The following MACROD2 variants were observed in gnomAD, a reference collection of about 807,000 sequenced individuals.
MACROD2 encodes ADP-ribose glycohydrolase MACROD2.
A neutral mutation model predicts 70.4 loss-of-function variants in MACROD2; 36 were observed. That is an observed-to-expected ratio of 0.51 (90% CI 0.39 to 0.68). The LOEUF (loss-of-function observed/expected upper bound fraction) is 0.68. Among genes scored for constraint, MACROD2 ranks in the 30% least tolerant of loss-of-function variants. The pLI is 0.00. For synonymous variants in MACROD2, 172 were observed against 178.8 expected, an observed-to-expected ratio of 0.96 and a Z score of 0.30; for missense variants, 496 against 538.4, an observed-to-expected ratio of 0.92 and a Z score of 0.78.
intron 3 of MACROD2, among the ~76,000 whole-genome samples, chr20:14,345,849 C>T (rs1450691543): frequency 6.6e-6 from 1 of 151,790 alleles, no homozygotes; most frequent in Non-Finnish European, 1.5e-5. Context: ...CACCTGTTAT[C>T]CCAGCACTTT....
chr20:15,095,535 T>C (rs2075824513), intron 5 of MACROD2, among the ~76,000 whole-genome samples: 1 of 152,020 alleles, frequency 6.6e-6, no homozygotes, highest in Non-Finnish European at 1.5e-5. Flanking sequence ...TTTTGTTTTT[T>C]GAGACAGGGT....
chr20:15,377,003 G>A (rs2045571982), intron 6 of MACROD2, among the ~76,000 whole-genome samples: 2 of 152,072 alleles, frequency 1.3e-5, no homozygotes. Flanking sequence ...TCATTCTCCT[G>A]CCTCAGCCTC....
chr20:15,407,924 C>G (rs1018994335), intron 6 of MACROD2, among the ~76,000 whole-genome samples: 4 of 152,142 alleles, frequency 2.6e-5, no homozygotes, highest in Admixed American at 2.6e-4. Context: ...GTGATTTCCT[C>G]AGGGTCACAC....
At chr20:14,522,433 C>G (rs1000567395) in intron 4 of MACROD2, among the ~76,000 whole-genome samples, 12 of 152,152 alleles carry the variant, frequency 7.9e-5, no homozygotes, top group African/African-American at 2.9e-4. Flanking sequence ...GCAGTGTATT[C>G]AGAAGGCAGT....
chr20:15,938,428 AC>A (rs1298328624), intron 12 of MACROD2, among the ~76,000 whole-genome samples: 1 of 152,140 alleles, frequency 6.6e-6, no homozygotes, highest in Non-Finnish European at 1.5e-5. Flanking sequence ...AATATTTCAA[AC>A]CTTTTTACTA....
intron 5 of MACROD2, among the ~76,000 whole-genome samples, chr20:14,926,118 C>G (rs2074227538): frequency 6.6e-6 from 1 of 152,154 alleles, no homozygotes; most frequent in South Asian, 2.1e-4. Context: ...TTTTCTTTTT[C>G]CCAGGCTGTC....
intron 8 of MACROD2, among the ~76,000 whole-genome samples, chr20:15,618,747 G>T (rs1373934022): frequency 2.0e-5 from 3 of 152,170 alleles, no homozygotes; most frequent in Non-Finnish European, 4.4e-5. Flanking sequence ...CACAGGACTT[G>T]TAACTGCCCA....
intron 3 of MACROD2, among the ~76,000 whole-genome samples, chr20:14,338,893 G>A (rs1442492409): frequency 6.6e-6 from 1 of 152,162 alleles, no homozygotes; most frequent in East Asian, 1.9e-4. Context: ...CATCAAATAA[G>A]TGTATTTCAC....
At chr20:15,144,762 T>A (rs558129659) in intron 5 of MACROD2, among the ~76,000 whole-genome samples, 1 of 152,112 alleles carries the variant, frequency 6.6e-6, no homozygotes. Context: ...TTTGGCAACA[T>A]TTCTGAACCA....
At chr20:15,723,200 A>AC (rs2050813365) in intron 8 of MACROD2, among the ~76,000 whole-genome samples, 1 of 152,016 alleles carries the variant, frequency 6.6e-6, no homozygotes, top group African/African-American at 2.4e-5. Context: ...TGTACCCACC[A>AC]CCCCCACACA....
chr20:15,005,300 A>G (rs1034772446), intron 5 of MACROD2, among the ~76,000 whole-genome samples: 3 of 152,176 alleles, frequency 2.0e-5, no homozygotes, highest in Admixed American at 2.0e-4. Flanking sequence ...CATCTCTGTA[A>G]TAATACAGTA....
At chr20:14,057,556 G>GC (rs2053644809) in intron 2 of MACROD2, among the ~76,000 whole-genome samples, 1 of 152,136 alleles carries the variant, frequency 6.6e-6, no homozygotes, top group African/African-American at 2.4e-5. Context: ...AAAGTGGAGA[G>GC]CGATGCACCT....
chr20:14,672,695 A>G (rs1477916198), intron 4 of MACROD2, among the ~76,000 whole-genome samples: 2 of 152,200 alleles, frequency 1.3e-5, no homozygotes, highest in African/African-American at 2.4e-5. Context: ...CATTACATAG[A>G]TGCAAAAATT....
intron 4 of MACROD2, among the ~76,000 whole-genome samples, chr20:14,593,244 T>A (rs1453732616): frequency 6.6e-6 from 1 of 152,220 alleles, no homozygotes; most frequent in Non-Finnish European, 1.5e-5. Flanking sequence ...GGAAATTTTT[T>A]TGGGCTAAGT....
chr20:14,984,513 G>A (rs1171527188), intron 5 of MACROD2, among the ~76,000 whole-genome samples: 2 of 152,104 alleles, frequency 1.3e-5, no homozygotes, highest in Non-Finnish European at 2.9e-5. Context: ...CTTGTAATCA[G>A]CTGCTACTTT....
chr20:15,171,630 T>TCTCCCC (rs375975187), intron 5 of MACROD2, among the ~76,000 whole-genome samples: 1 of 152,062 alleles, frequency 6.6e-6, no homozygotes, highest in African/African-American at 2.4e-5. Context: ...TCTCTCTCTC[T>TCTCCCC]CTCCCCTCTC....
intron 17 of MACROD2, among the ~76,000 whole-genome samples, chr20:16,048,565 G>C (rs530461634): frequency 6.6e-6 from 1 of 151,950 alleles, no homozygotes; most frequent in Non-Finnish European, 1.5e-5. Flanking sequence ...ACTTAATTTG[G>C]ACTGAGATTA....
chr20:15,299,667 C>T (rs1377776105), intron 6 of MACROD2, among the ~76,000 whole-genome samples: 2 of 152,204 alleles, frequency 1.3e-5, no homozygotes, highest in Non-Finnish European at 2.9e-5. Flanking sequence ...CAATACTGTC[C>T]TAATCCAGTC....
intron 8 of MACROD2, among the ~76,000 whole-genome samples, chr20:15,626,021 T>G (rs2049197560): frequency 6.7e-6 from 1 of 149,532 alleles, no homozygotes; most frequent in African/African-American, 2.5e-5. Context: ...CTTGGGCGAG[T>G]CACCTTAGTC....
Sources: gnomAD v4.1 joint callset for allele counts (sites outside exome capture counted in the v4.1 genomes callset) on GRCh38, gnomAD v4.1.1 for gene constraint, MANE v1.5 for transcripts, NCBI Gene and HGNC (gene_info 2026-07-23, HGNC 2026-07-21) for gene names.